TMPRSS13: variants seen among roughly 807,000 people sequenced by gnomAD.
TMPRSS13 encodes transmembrane protease serine 13.
In TMPRSS13, 50 loss-of-function variants were observed where a neutral mutation model predicts 68.4. The observed-to-expected ratio is 0.73, with a 90% CI of 0.58 to 0.93. The LOEUF (loss-of-function observed/expected upper bound fraction) is 0.93, where lower values mean the gene tolerates loss of function less well. Ranked by LOEUF, TMPRSS13 falls within the 40% of genes least tolerant of loss-of-function variation. The pLI is 0.00. For missense variants in TMPRSS13, 615 were observed against 729.2 expected (o/e 0.84, Z 1.80); for synonymous variants, 267 against 285.8 (o/e 0.93, Z 0.66).
chr11:117,912,497 G>T (rs78672130), intron 5 of TMPRSS13, among the ~76,000 whole-genome samples: 2,232 of 152,344 alleles, frequency 0.015, 41 homozygotes, highest in Middle Eastern at 0.11. Context: ...CTGATTCCAA[G>T]ATGCATTTTC....
chr11:117,918,700 C>A lies in TMPRSS13; in HGVS notation c.160G>T (p.Ala54Ser), dbSNP rs2057608646. The A allele has an allele frequency of 6.2e-7, 1 of 1,604,246 alleles. No homozygotes were observed. Among genetic ancestry groups the A allele is most frequent in the Admixed American group, 1.7e-5 (1 of 59,180 alleles). The stretch of plus-strand genomic sequence containing the variant: ...GCTGGAGATGCCTGGGCTGGAGATG[C>A]CCGGCCCGGAGGTGTCCCAGCTGGA... ...ASPAGTPPGR[A>S]SPAQASPAGT... The change falls in exon 2 of 13, where the codon GCA becomes TCA. Residue 54 changes from alanine to serine, a missense_variant. Transcript: ENST00000524993.
At chr11:117,923,838 T>TTAAAAAAA (rs56359328) in intron 1 of TMPRSS13, among the ~76,000 whole-genome samples, 2 of 128,122 alleles carry the variant, frequency 1.6e-5, no homozygotes, top group Non-Finnish European at 3.2e-5. Context: ...GTATAATAAT[T>TTAAAAAAA]AAAAAAAAAA....
At chr11:117,929,266 G>A (rs373870957) in intron 1 of TMPRSS13, 21 bp downstream of exon 1, 16 of 1,595,858 alleles carry the variant, frequency 1.0e-5, no homozygotes, top group South Asian at 9.1e-5. Context: ...AATCTGGCCC[G>A]AGGCCTGAGG....
chr11:117,908,425 C>T (rs938496606), intron 9 of TMPRSS13, 187 bp downstream of exon 9: 24 of 663,720 alleles, frequency 3.6e-5, no homozygotes, highest in Non-Finnish European at 5.4e-5. Context: ...TATTTATAAC[C>T]CTTGGGCTTC....
chr11:117,916,728 T>A (rs558902782), intron 3 of TMPRSS13, among the ~76,000 whole-genome samples: 2 of 152,206 alleles, frequency 1.3e-5, no homozygotes, highest in East Asian at 3.9e-4. Flanking sequence ...TTCATGTGTG[T>A]TTTTTTAATA....
At chr11:117,905,460 G>T (rs1591616337) in intron 10 of TMPRSS13, among the ~76,000 whole-genome samples, 178 bp downstream of exon 10, 1 of 151,992 alleles carries the variant, frequency 6.6e-6, no homozygotes, top group East Asian at 1.9e-4. Flanking sequence ...GACTGCACCG[G>T]CATATACTCA....
chr11:117,914,275 A>G lies in TMPRSS13; in HGVS notation c.679+117T>C, dbSNP rs894652866. On this transcript the variant is annotated intron_variant, in intron 4 of 12. Transcript: ENST00000524993. The surrounding 1 kb of genome is among the most constrained non-coding windows in gnomAD (Gnocchi z 4.2). The stretch of plus-strand genomic sequence containing the variant: ...CATACACACAAACATGCACATACAC[A>G]CACATGCACGCACACATATACACAC... 1.8e-5 allele frequency: 25 copies of G among 1,375,576 alleles called. No individual in the cohort carries two copies. The highest frequency in any genetic ancestry group is 2.8e-5 in the African/African-American group (2 of 70,874). 85.2% of individuals were successfully genotyped at this position (1,375,576 alleles called of 1,614,324 possible). A position where few individuals can be genotyped will look rare whatever the true frequency, so the allele number is the denominator to read the frequency against.
At chr11:117,910,433 G>A (rs2057510460) in intron 7 of TMPRSS13, 1 of 469,864 alleles carries the variant, frequency 2.1e-6, no homozygotes, top group African/African-American at 1.9e-5. Context: ...AACATAGGAA[G>A]AATACACTTC....
chr11:117,918,267 G>C (rs1262268091), intron 2 of TMPRSS13, 142 bp downstream of exon 2: 1 of 1,051,934 alleles, frequency 9.5e-7, no homozygotes, highest in East Asian at 2.6e-5. Flanking sequence ...TCCACCCTCA[G>C]GTCCCTCACT....
chr11:117,907,921 A>ATGAG lies in TMPRSS13; in HGVS notation c.1282+690_1282+691insCTCA, dbSNP rs1333852815. The ATGAG allele has an allele frequency of 5.1e-6, 5 of 985,692 alleles. No individual in the cohort carries two copies. The African/African-American group carries it at 8.8e-5, about 17-fold the overall frequency. 61.1% of individuals were successfully genotyped at this position (985,692 alleles called of 1,614,324 possible). ...AGTGAATGAATGAATGAATGAATGAAGTCTTCTTTGACGTCCCCTGTCCAC... is the reference window on the plus strand; with the variant it reads ...AGTGAATGAATGAATGAATGAATGAATGAGGTCTTCTTTGACGTCCCCTGTCCAC... On this transcript the variant is annotated intron_variant, in intron 9 of 12. Coordinates refer to ENST00000524993, the MANE Select transcript of TMPRSS13 (RefSeq NM_001077263.3).
chr11:117,918,362 T>C lies in TMPRSS13; in HGVS notation c.451+47A>G, dbSNP rs142048875. On this transcript the variant is annotated intron_variant, in intron 2 of 12. Transcript: ENST00000524993. ...GGCTCTGAGATTTCCTCCCTGCCCA[T>C]GGGCTGCTTCCCATCTCTCGTGGCT... is the stretch of plus-strand genomic sequence containing the variant. 3,470 of 1,573,066 alleles carry C rather than the reference T, an allele frequency of 2.2e-3. 68 individuals are homozygous for C. In the African/African-American group the frequency reaches 0.04, roughly 18 times the overall value.
rs1386232666 is a variant in TMPRSS13, at chr11:117,914,294, TAC to T, written c.679+96_679+97del. On this transcript the variant is annotated intron_variant, in intron 4 of 12. Transcript: ENST00000524993. The surrounding 1 kb of genome is among the most constrained non-coding windows in gnomAD (Gnocchi z 4.2). ...ATACACACACATGCACGCACACATA[TAC>T]ACACACAGGCATGCATACACACACA... 1.3e-6 allele frequency: 2 copies of T among 1,510,812 alleles called. No homozygotes were observed. Among genetic ancestry groups the T allele is most frequent in the Non-Finnish European group, 9.0e-7 (1 of 1,106,220 alleles). 93.6% of individuals were successfully genotyped at this position (1,510,812 alleles called of 1,614,324 possible).
At chr11:117,917,564 C>T (rs1041381434) in intron 2 of TMPRSS13, among the ~76,000 whole-genome samples, 1 of 152,216 alleles carries the variant, frequency 6.6e-6, no homozygotes, top group South Asian at 2.1e-4. Flanking sequence ...CTCACAGCAA[C>T]CTCATGAGCA....
rs2057548235 is a variant in TMPRSS13, at chr11:117,914,008, C to T, written c.680-102G>A. ...GGCTTTGAGAAAGCGCTTGTCCTGA[C>T]AGCACTCCTTGCTGAGGCCTGGGAA... is the stretch of plus-strand genomic sequence containing the variant. On this transcript the variant is annotated intron_variant, in intron 4 of 12. Coordinates refer to ENST00000524993, the MANE Select transcript of TMPRSS13 (RefSeq NM_001077263.3). This position sits in a 1 kb window ranked among gnomAD's most constrained non-coding sequence, Gnocchi z 4.2. 5.1e-6 allele frequency: 7 copies of T among 1,381,148 alleles called. No individual in the cohort carries two copies. Among genetic ancestry groups the T allele is most frequent in the South Asian group, 1.3e-5 (1 of 74,786 alleles). 85.6% of individuals were successfully genotyped at this position (1,381,148 alleles called of 1,614,324 possible). A position where few individuals can be genotyped will look rare whatever the true frequency, so the allele number is the denominator to read the frequency against.
intron 10 of TMPRSS13, 82 bp from the exon 11 acceptor site, chr11:117,904,183 C>T (rs1398180032): frequency 3.3e-6 from 5 of 1,517,806 alleles, no homozygotes; most frequent in South Asian, 1.3e-5. Flanking sequence ...CAGCTGCCAC[C>T]CCAAGACCCA....
intron 9 of TMPRSS13, among the ~76,000 whole-genome samples, chr11:117,907,245 G>A (rs1348982252): frequency 6.6e-6 from 1 of 152,114 alleles, no homozygotes; most frequent in Non-Finnish European, 1.5e-5. Flanking sequence ...AGGGCAGGAG[G>A]TAGCGGGCAT....
At chr11:117,926,688 G>C (rs1262605987) in intron 1 of TMPRSS13, among the ~76,000 whole-genome samples, 1 of 152,138 alleles carries the variant, frequency 6.6e-6, no homozygotes, top group East Asian at 1.9e-4. Flanking sequence ...TGTCATCCCC[G>C]TTCTATGTAA....
intron 9 of TMPRSS13, chr11:117,908,356 A>G (rs1433940854): frequency 1.6e-5 from 10 of 608,650 alleles, no homozygotes; most frequent in Non-Finnish European, 5.8e-6. Flanking sequence ...TAAGATCAGT[A>G]CCCAAGCCCT....
intron 1 of TMPRSS13, among the ~76,000 whole-genome samples, chr11:117,921,724 G>A (rs994355127): frequency 1.3e-5 from 2 of 152,216 alleles, no homozygotes; most frequent in Admixed American, 6.5e-5. Context: ...GCTCTGGTCT[G>A]GGTAGAGCAA....
Sources: gnomAD v4.1 joint callset for allele counts (sites outside exome capture counted in the v4.1 genomes callset) on GRCh38, gnomAD v4.1.1 for gene constraint, Gnocchi (gnomAD v3.1) non-coding constraint, MANE v1.5 for transcripts, NCBI Gene and HGNC (gene_info 2026-07-23, HGNC 2026-07-21) for gene names.